The following SCNM1 variants were observed in gnomAD, a reference collection of about 807,000 sequenced individuals.
The protein encoded by SCNM1 is sodium channel modifier 1.
SCNM1 carries 24 observed loss-of-function variants against 32.8 expected under a neutral mutation model. That is an observed-to-expected ratio of 0.73 (90% CI 0.53 to 1.03). SCNM1 has a LOEUF of 1.03. SCNM1 is among the 50% of genes least tolerant of loss of function. The probability of loss-of-function intolerance (pLI) is 0.00; values close to 1 mark genes in which losing one functional copy is unlikely to be tolerated. For missense variants in SCNM1, 274 were observed against 282.3 expected (o/e 0.97, Z 0.21); for synonymous variants, 99 against 103.2 (o/e 0.96, Z 0.25).
In SCNM1 at chr1:151,169,756, C is replaced by G. The variant is rs1683885823; in HGVS notation, c.*671C>G. 2.7e-6 allele frequency: 1 copy of G among 371,828 alleles called. No homozygotes were observed. The highest frequency in any genetic ancestry group is 5.0e-6 in the Non-Finnish European group (1 of 201,000). 23.0% of individuals were successfully genotyped at this position (371,828 alleles called of 1,614,324 possible). On this transcript the variant is annotated 3_prime_UTR_variant, in exon 7 of 7. Transcript: ENST00000368905. ...AGGCACTAGGGGGACCTGGCCACAT[C>G]TGGAAACAGGGCTGTGGCTAAGTTC...
Position 151,169,978 on chromosome 1 carries a change from C to G in SCNM1, c.*893C>G. 1 of 1,392,838 alleles carries G rather than the reference C, an allele frequency of 7.2e-7. No individual in the cohort carries two copies. Among genetic ancestry groups the G allele is most frequent in the Non-Finnish European group, 1.0e-6 (1 of 984,066 alleles). The allele number at this position is 1,392,838 out of a possible 1,614,324, so 86.3% of individuals were successfully genotyped here. ...TCACCCCAAAGCCCAAGGAAGGAGG[C>G]AGGCAAAATGGATAGAAGGGCTTTT... On this transcript the variant is annotated 3_prime_UTR_variant, in exon 7 of 7. Coordinates refer to ENST00000368905, the MANE Select transcript of SCNM1 (RefSeq NM_024041.4).
Position 151,170,245 on chromosome 1 carries a change from A to G in SCNM1, c.*1160A>G. On this transcript the variant is annotated 3_prime_UTR_variant, in exon 7 of 7. Coordinates refer to ENST00000368905, the MANE Select transcript of SCNM1 (RefSeq NM_024041.4). ...CCTTACAGGCCCATCCCACATTAAC[A>G]AAACAAAACAAGAAACCACACCACA... 1 of 970,734 alleles carries G rather than the reference A, an allele frequency of 1.0e-6. No homozygotes were observed. The highest frequency in any genetic ancestry group is 1.6e-5 in the South Asian group (1 of 64,416). 60.1% of individuals were successfully genotyped at this position (970,734 alleles called of 1,614,324 possible).
In SCNM1 at chr1:151,166,149, C is replaced by A. The variant is rs1683686288; in HGVS notation, c.-4C>A. 1.3e-6 allele frequency: 2 copies of A among 1,598,638 alleles called. No individual in the cohort carries two copies. The highest frequency in any genetic ancestry group is 1.7e-5 in the Admixed American group (1 of 58,754). ...ATTTATCACTTCTGGGACTCACAGT[C>A]GTGATGTCTTTCAAGAGGGAAGGAG... is the stretch of plus-strand genomic sequence containing the variant. On this transcript the variant is annotated 5_prime_UTR_variant, in exon 1 of 7. Transcript: ENST00000368905.
rs763442386 is a variant in SCNM1 at position 151,169,125 on chromosome 1, T to C, written c.*40T>C. Reference sequence around the variant, plus strand: ...TCATTCACAAATAAATTACAATGGGTGCTGAGAACTTAACTTTCCTTAAGT... The same window carrying C: ...TCATTCACAAATAAATTACAATGGGCGCTGAGAACTTAACTTTCCTTAAGT... On this transcript the variant is annotated 3_prime_UTR_variant, in exon 7 of 7. Transcript: ENST00000368905. The C allele has an allele frequency of 6.2e-7, 1 of 1,610,172 alleles. No homozygotes were observed. Among genetic ancestry groups the C allele is most frequent in the South Asian group, 1.1e-5 (1 of 90,986 alleles).
chr1:151,168,660 A>G (rs1373219101), intron 6 of SCNM1, among the ~76,000 whole-genome samples: 2 of 151,084 alleles, frequency 1.3e-5, no homozygotes, highest in Non-Finnish European at 2.9e-5. Context: ...CACCTGCCTC[A>G]GTTTCCTAAA....
Position 151,169,208 on chromosome 1 carries a change from C to T in SCNM1, c.*123C>T. 2 of 1,054,336 alleles carry T rather than the reference C, an allele frequency of 1.9e-6. No individual in the cohort carries two copies. Among genetic ancestry groups the T allele is most frequent in the Non-Finnish European group, 2.8e-6 (2 of 723,078 alleles). The allele number at this position is 1,054,336 out of a possible 1,614,324, so 65.3% of individuals were successfully genotyped here. ...CTGTTCATTCTCATTCCAACTACTC[C>T]TTGCCTGCAAGGTACACAGCTCTCC... On this transcript the variant is annotated 3_prime_UTR_variant, in exon 7 of 7. Coordinates refer to ENST00000368905, the MANE Select transcript of SCNM1 (RefSeq NM_024041.4).
At chr1:151,167,969 T>G (rs1399991591) in intron 5 of SCNM1, 175 bp from the exon 6 acceptor site, 4 of 679,030 alleles carry the variant, frequency 5.9e-6, no homozygotes, top group African/African-American at 5.5e-5. Flanking sequence ...TAAAAAAAAC[T>G]TGTAAAATTT....
At chr1:151,167,073 C>T (rs372118002) in intron 3 of SCNM1, 48 bp from the exon 4 acceptor site, 1 of 1,614,176 alleles carries the variant, frequency 6.2e-7, no homozygotes, top group Non-Finnish European at 8.5e-7. Context: ...AATCTCTGCA[C>T]ACCACTCTTG....
At position 151,166,195 on chromosome 1, in the gene SCNM1, G is replaced by A. The variant is rs1396227322; in HGVS notation, c.43G>A (p.Val15Met). Residue 15 changes from valine to methionine, a missense_variant, in exon 1 of 7, where the codon GTG becomes ATG. Val to Met is a conservative substitution (Grantham distance 21). Coordinates refer to ENST00000368905, the MANE Select transcript of SCNM1 (RefSeq NM_024041.4). ...AGGAGACGATTGGAGTCAACTCAAT[G>A]TGCTCAAAGTAAGCGTGAGCGGAGA... Reference protein sequence around the residue: ...REGDDWSQLNVLKKRRVGDLL... With the variant: ...REGDDWSQLNMLKKRRVGDLL... 6.2e-7 allele frequency: 1 copy of A among 1,602,614 alleles called. No homozygotes were observed. The highest frequency in any genetic ancestry group is 8.5e-7 in the Non-Finnish European group (1 of 1,173,858).
chr1:151,167,528 G>A (rs757571687), intron 5 of SCNM1, 114 bp downstream of exon 5: 40 of 1,468,230 alleles, frequency 2.7e-5, no homozygotes, highest in Non-Finnish European at 3.7e-5. Context: ...GTTACTTAGT[G>A]TTTCAAGAAA....
chr1:151,169,608 A>G lies in SCNM1; in HGVS notation c.*523A>G, dbSNP rs1683879234. ...CAAAGCCATGCCAAGCGTCAGCTGC[A>G]TCAGCCTGGTGCCCTATTAATAAGA... On this transcript the variant is annotated 3_prime_UTR_variant, in exon 7 of 7. Coordinates refer to ENST00000368905, the MANE Select transcript of SCNM1 (RefSeq NM_024041.4). 5.5e-6 allele frequency: 1 copy of G among 183,206 alleles called. No homozygotes were observed. The highest frequency in any genetic ancestry group is 5.4e-5 in the Admixed American group (1 of 18,586). 11.3% of individuals were successfully genotyped at this position (183,206 alleles called of 1,614,324 possible). A position where few individuals can be genotyped will look rare whatever the true frequency, so the allele number is the denominator to read the frequency against.
Position 151,166,517 on chromosome 1 carries a change from AGGC to A in SCNM1, c.100_102del (p.Ala34del), listed in dbSNP as rs1192350993. ...CTAGCCAGTTACATTCCAGAGGATG[AGGC>A]GCTGATGCTTCGGGATGGACGGTAA... On this transcript the variant is annotated inframe_deletion, in exon 2 of 7. Transcript: ENST00000368905. 6.2e-7 allele frequency: 1 copy of A among 1,613,842 alleles called. No individual in the cohort carries two copies. Among genetic ancestry groups the A allele is most frequent in the Non-Finnish European group, 8.5e-7 (1 of 1,179,970 alleles).
intron 6 of SCNM1, 33 bp downstream of exon 6, chr1:151,168,371 CT>C (rs1333926527): frequency 6.5e-7 from 1 of 1,538,848 alleles, no homozygotes; most frequent in Non-Finnish European, 8.8e-7. Context: ...CTCAGATTTT[CT>C]TTTCTCTCTG....
rs768373839 is a variant in SCNM1 at position 151,168,159 on chromosome 1, T to A, written c.414T>A (p.Gly138=). ...CTCTACCTAGACCAGAAGCCCCTGGTCCCTCTGTCTCCCTTTCCCCTATGC... is the reference window on the plus strand; with the variant it reads ...CTCTACCTAGACCAGAAGCCCCTGGACCCTCTGTCTCCCTTTCCCCTATGC... The part of the protein sequence containing the change: ...CRRKYRPEAP[G]PSVSLSPMPP... The change falls in exon 6 of 7, where the codon GGT becomes GGA. Residue 138 remains glycine (G), a synonymous_variant. Transcript: ENST00000368905. The A allele has an allele frequency of 6.2e-7, 1 of 1,612,992 alleles. No homozygotes were observed. Among genetic ancestry groups the A allele is most frequent in the Non-Finnish European group, 8.5e-7 (1 of 1,179,466 alleles).
intron 2 of SCNM1, 83 bp from the exon 3 acceptor site, chr1:151,166,851 C>T: frequency 6.3e-7 from 1 of 1,591,176 alleles, no homozygotes; most frequent in Non-Finnish European, 8.6e-7. Context: ...GCAAAGACTG[C>T]TAGGACAGGG....
rs1281304533 is a variant in SCNM1 at position 151,168,194 on chromosome 1, A to C, written c.449A>C (p.Glu150Ala). The change falls in exon 6 of 7, where the codon GAG (glutamate) becomes GCG (alanine). Residue 150 changes from glutamate to alanine, a missense_variant. Glu to Ala is a moderately radical substitution (Grantham distance 107, BLOSUM62 -1). Coordinates refer to ENST00000368905, the MANE Select transcript of SCNM1 (RefSeq NM_024041.4). ...TCCCTTTCCCCTATGCCACCCTCAG[A>C]GGTCAAACTCCAAAGTGGGAAGATC... Reference protein sequence around the residue: ...SVSLSPMPPSEVKLQSGKISR... With the variant: ...SVSLSPMPPSAVKLQSGKISR... The C allele has an allele frequency of 1.2e-6, 2 of 1,614,054 alleles. No homozygotes were observed. Among genetic ancestry groups the C allele is most frequent in the Non-Finnish European group, 1.7e-6 (2 of 1,179,978 alleles).
chr1:151,167,989 C>T (rs1297146666), intron 5 of SCNM1, 155 bp from the exon 6 acceptor site: 3 of 870,488 alleles, frequency 3.4e-6, no homozygotes, highest in Admixed American at 2.8e-5. Context: ...TTAAGCTAGC[C>T]TTTCCCAAAT....
chr1:151,166,627 T>C lies in SCNM1; in HGVS notation c.122+86T>C. 1.3e-6 allele frequency: 2 copies of C among 1,533,058 alleles called. 1 individual carries two copies. The highest frequency in any genetic ancestry group is 2.4e-5 in the South Asian group (2 of 83,348). The allele number at this position is 1,533,058 out of a possible 1,614,324, so 95.0% of individuals were successfully genotyped here. A position where few individuals can be genotyped will look rare whatever the true frequency, so the allele number is the denominator to read the frequency against. Reference sequence around the variant, plus strand: ...TTTTTTTTTTCCTTTGAGACGGAGGTCTCGCGGTGCTGCCCAGGCTGCCCT... The same window carrying C: ...TTTTTTTTTTCCTTTGAGACGGAGGCCTCGCGGTGCTGCCCAGGCTGCCCT... On this transcript the variant is annotated intron_variant, in intron 2 of 6. Coordinates refer to ENST00000368905, the MANE Select transcript of SCNM1 (RefSeq NM_024041.4).
chr1:151,170,113 A>C lies in SCNM1; in HGVS notation c.*1028A>C. The C allele has an allele frequency of 1.2e-6, 2 of 1,614,196 alleles. No individual in the cohort carries two copies. Among genetic ancestry groups the C allele is most frequent in the Non-Finnish European group, 1.7e-6 (2 of 1,180,032 alleles). ...TTCTTTTGCTGGCGACCTGTAAAGG[A>C]GCAATATTAAACATAAGTGTTTGTT... On this transcript the variant is annotated 3_prime_UTR_variant, in exon 7 of 7. Coordinates refer to ENST00000368905, the MANE Select transcript of SCNM1 (RefSeq NM_024041.4).
Sources: allele counts gnomAD v4.1 joint callset (sites outside exome capture counted in the v4.1 genomes callset), GRCh38; gene constraint gnomAD v4.1.1; transcripts MANE v1.5; gene names NCBI Gene and HGNC (gene_info 2026-07-23, HGNC 2026-07-21).